The following SPAG16 variants were observed in gnomAD, a reference collection of about 807,000 sequenced individuals.
SPAG16 encodes the protein sperm associated antigen 16.
Under a neutral mutation model 80.4 loss-of-function variants are expected in SPAG16, and 86 were observed. The ratio of observed to expected loss-of-function variants is 1.07; its 90% CI spans 0.90 to 1.28. SPAG16 has a LOEUF of 1.28. Ranked by LOEUF, SPAG16 falls within the 50% of genes most tolerant of loss-of-function variation. The pLI is 0.00. For missense variants in SPAG16, 870 were observed against 765.3 expected (o/e 1.14, Z -1.61); for synonymous variants, 294 against 265.9 (o/e 1.11, Z -1.03).
intron 10 of SPAG16, among the ~76,000 whole-genome samples, chr2:213,839,781 C>T (rs1170891979): frequency 1.3e-5 from 2 of 152,056 alleles, no homozygotes; most frequent in Non-Finnish European, 2.9e-5. Flanking sequence ...TATTATGCTA[C>T]AGTACAATCC....
intron 10 of SPAG16, among the ~76,000 whole-genome samples, chr2:213,770,819 ATTCCATAGTG>A (rs1381687416): frequency 6.6e-6 from 1 of 152,182 alleles, no homozygotes; most frequent in Non-Finnish European, 1.5e-5. Context: ...GCTTCATAGT[ATTCCATAGTG>A]TATATGTACC....
At chr2:214,090,802 T>C (rs2052136458) in intron 13 of SPAG16, among the ~76,000 whole-genome samples, 1 of 152,072 alleles carries the variant, frequency 6.6e-6, no homozygotes, top group South Asian at 2.1e-4. Flanking sequence ...GTCTGTTTCT[T>C]CCTCATTAGT....
At chr2:214,020,325 T>C (rs966672214) in intron 13 of SPAG16, among the ~76,000 whole-genome samples, 4 of 152,174 alleles carry the variant, frequency 2.6e-5, no homozygotes, top group Admixed American at 6.6e-5. Flanking sequence ...CAATTACTAC[T>C]GTGCTGGTAT....
At chr2:214,246,009 G>T (rs1689817522) in intron 15 of SPAG16, among the ~76,000 whole-genome samples, 1 of 152,016 alleles carries the variant, frequency 6.6e-6, no homozygotes, top group Admixed American at 6.6e-5. Context: ...CCATTGTATG[G>T]GTATTGCAGA....
intron 10 of SPAG16, among the ~76,000 whole-genome samples, chr2:213,592,510 A>G (rs559967151): frequency 2.6e-5 from 4 of 152,352 alleles, no homozygotes; most frequent in South Asian, 2.1e-4. Flanking sequence ...AACTAAATAT[A>G]TATGTTTACA....
intron 13 of SPAG16, among the ~76,000 whole-genome samples, chr2:214,071,276 C>G (rs553298245): frequency 6.6e-6 from 1 of 152,094 alleles, no homozygotes; most frequent in African/African-American, 2.4e-5. Context: ...AAGGGCAGGT[C>G]TGTAGATAGA....
intron 13 of SPAG16, among the ~76,000 whole-genome samples, chr2:214,032,315 C>A (rs564692156): frequency 2.4e-4 from 37 of 152,302 alleles, no homozygotes; most frequent in Admixed American, 2.6e-4. Flanking sequence ...CCTCTTTGAT[C>A]TTATTGGTCT....
intron 12 of SPAG16, among the ~76,000 whole-genome samples, chr2:213,987,115 T>G (rs530015407): frequency 1.1e-4 from 16 of 152,188 alleles, no homozygotes; most frequent in Admixed American, 7.2e-4. Flanking sequence ...GTCTTCTTAA[T>G]TTGTCTTGCA....
At chr2:213,672,227 A>G (rs991720157) in intron 10 of SPAG16, among the ~76,000 whole-genome samples, 18 of 150,584 alleles carry the variant, frequency 1.2e-4, no homozygotes, top group Non-Finnish European at 2.4e-4. Context: ...GCCTAGTACT[A>G]TCATGACATG....
At chr2:213,715,350 G>A (rs957882111) in intron 10 of SPAG16, among the ~76,000 whole-genome samples, 6 of 152,018 alleles carry the variant, frequency 3.9e-5, no homozygotes, top group African/African-American at 1.4e-4. Context: ...AAATTTCCAT[G>A]TGTGTATGTG....
At chr2:214,139,931 C>A (rs967685729) in intron 14 of SPAG16, among the ~76,000 whole-genome samples, 1 of 152,166 alleles carries the variant, frequency 6.6e-6, no homozygotes, top group African/African-American at 2.4e-5. Context: ...CAATTGCTAA[C>A]TAAAAAATCC....
intron 12 of SPAG16, among the ~76,000 whole-genome samples, chr2:213,932,952 ACACAC>A (rs2078832741): frequency 3.0e-5 from 2 of 66,318 alleles, no homozygotes; most frequent in African/African-American, 8.8e-5. Flanking sequence ...GTTTGAAAAC[ACACAC>A]ACACACACAC....
At chr2:213,369,893 C>T (rs1334921605) in intron 8 of SPAG16, among the ~76,000 whole-genome samples, 1 of 152,066 alleles carries the variant, frequency 6.6e-6, no homozygotes, top group Non-Finnish European at 1.5e-5. Context: ...TGATGAGTGT[C>T]CATGACATTA....
chr2:213,753,317 T>C (rs2068170062), intron 10 of SPAG16, among the ~76,000 whole-genome samples: 1 of 152,152 alleles, frequency 6.6e-6, no homozygotes, highest in South Asian at 2.1e-4. Flanking sequence ...CAGCCTATTT[T>C]TTCAATCTTA....
intron 13 of SPAG16, among the ~76,000 whole-genome samples, chr2:214,042,182 T>C: frequency 6.6e-6 from 1 of 150,978 alleles, no homozygotes; most frequent in Admixed American, 6.6e-5. Context: ...ATCTCCTGGG[T>C]TCGTGGGTCC....
At chr2:214,057,536 T>C (rs1251462722) in intron 13 of SPAG16, among the ~76,000 whole-genome samples, 1 of 152,174 alleles carries the variant, frequency 6.6e-6, no homozygotes, top group Admixed American at 6.5e-5. Context: ...AGATGGACTA[T>C]ATTTAGCATA....
chr2:213,368,999 T>C (rs987968276), intron 8 of SPAG16, among the ~76,000 whole-genome samples: 1 of 152,184 alleles, frequency 6.6e-6, no homozygotes, highest in South Asian at 2.1e-4. Context: ...CGAGAAAATC[T>C]TGAAAGCAAT....
At chr2:213,482,209 T>A (rs1575706976) in intron 9 of SPAG16, among the ~76,000 whole-genome samples, 1 of 152,228 alleles carries the variant, frequency 6.6e-6, no homozygotes, top group African/African-American at 2.4e-5. Context: ...TGCCCCATAC[T>A]TTCATATTAT....
chr2:213,900,505 C>A (rs1250895414), intron 11 of SPAG16, among the ~76,000 whole-genome samples: 1 of 152,122 alleles, frequency 6.6e-6, no homozygotes, highest in African/African-American at 2.4e-5. Flanking sequence ...CTTCATCATG[C>A]CCCTGGAGTT....
Sources: allele counts gnomAD v4.1 joint callset (sites outside exome capture counted in the v4.1 genomes callset), GRCh38; gene constraint gnomAD v4.1.1; transcripts MANE v1.5; gene names NCBI Gene and HGNC (gene_info 2026-07-23, HGNC 2026-07-21).